The following SNX25 variants were observed in gnomAD, a reference collection of about 807,000 sequenced individuals.
SNX25 encodes the protein sorting nexin-25.
SNX25 carries 62 observed loss-of-function variants against 113.7 expected under a neutral mutation model. That is an observed-to-expected ratio of 0.55 (90% confidence interval 0.44 to 0.67). SNX25 has a LOEUF of 0.67. Ranked by LOEUF, SNX25 falls within the 30% of genes least tolerant of loss-of-function variation. SNX25 has a pLI of 0.00. For missense variants in SNX25, 1,014 were observed against 1,161.0 expected, an observed-to-expected ratio of 0.87 and a Z score of 1.84; for synonymous variants, 421 against 436.2, an observed-to-expected ratio of 0.97 and a Z score of 0.43.
rs772535155 is a variant in SNX25 at position 185,258,959 on chromosome 4, A to G, written c.626A>G (p.Gln209Arg). 3.1e-6 allele frequency: 5 copies of G among 1,614,206 alleles called. No homozygotes were observed. In the South Asian group the frequency reaches 4.4e-5, roughly 14 times the overall value. ...LLEDFWEIAR[Q>R]LHHRLSHVDV... is the part of the protein sequence containing the mutation. The stretch of plus-strand genomic sequence containing the variant: ...GAAGACTTTTGGGAAATTGCCAGAC[A>G]GCTGCACCACAGACTGAGTCACGTG... Residue 209 changes from glutamine (Q) to arginine (R), a missense_variant, in exon 3 of 19, where the codon CAG (glutamine) becomes CGG (arginine). By Grantham distance (43) the Gln-to-Arg change is conservative. Transcript: ENST00000652585.
chr4:185,216,677 G>A (rs1738900274), intron 1 of SNX25, among the ~76,000 whole-genome samples: 2 of 151,796 alleles, frequency 1.3e-5, no homozygotes, highest in Non-Finnish European at 2.9e-5. Context: ...CCGCCACCAC[G>A]CCCGGCTACT....
chr4:185,216,667 C>A (rs1376108241), intron 1 of SNX25, among the ~76,000 whole-genome samples: 1 of 151,728 alleles, frequency 6.6e-6, no homozygotes, highest in Non-Finnish European at 1.5e-5. Context: ...TGATAGGCGC[C>A]CGCCACCACG....
downstream of SNX25, among the ~76,000 whole-genome samples, chr4:185,372,207 T>G (rs1425897812): frequency 2.0e-5 from 3 of 152,186 alleles, no homozygotes; most frequent in African/African-American, 7.2e-5. Flanking sequence ...ATGTGTGACA[T>G]GCCAAGCTGT....
chr4:185,339,540 A>G lies in SNX25; in HGVS notation c.2046+30A>G, dbSNP rs753222160. Reference sequence around the variant, plus strand: ...TTTTGACTGCTTTTCCTCTTAATTTATTTTAAAAGTTTGACTTTATTAAAA... The same window carrying G: ...TTTTGACTGCTTTTCCTCTTAATTTGTTTTAAAAGTTTGACTTTATTAAAA... On this transcript the variant is annotated intron_variant, in intron 11 of 18. Transcript: ENST00000652585. 2.5e-6 allele frequency: 4 copies of G among 1,587,890 alleles called. No individual in the cohort carries two copies. In the South Asian group the frequency reaches 4.6e-5, roughly 18 times the overall value.
At chr4:185,231,343 C>T (rs1235168429) in intron 1 of SNX25, among the ~76,000 whole-genome samples, 4 of 151,898 alleles carry the variant, frequency 2.6e-5, no homozygotes, top group Admixed American at 2.6e-4. Flanking sequence ...TCGTGATCCA[C>T]CCGCCTCGGC....
At chr4:185,205,564 T>G (rs971029955), upstream of SNX25, among the ~76,000 whole-genome samples, 1 of 152,130 alleles carries the variant, frequency 6.6e-6, no homozygotes, top group Non-Finnish European at 1.5e-5. Context: ...GCGCGGTGGC[T>G]CACGTTTGTA....
At position 185,342,116 on chromosome 4, in the gene SNX25, G is replaced by A. The variant is rs541143078; in HGVS notation, c.2187G>A (p.Glu729=). ...EFQNLHRKLS[E]CVPSLKKVQL... ...AGAATTTACACCGGAAACTCAGTGA[G>A]GTATGAATACTCATGAACGCAGTAT... Residue 729 remains glutamate, a splice_region_variant and synonymous_variant, in exon 12 of 19, where the codon GAG becomes GAA. Transcript: ENST00000652585. 1.3e-6 allele frequency: 2 copies of A among 1,591,886 alleles called. No individual in the cohort carries two copies. Among genetic ancestry groups the A allele is most frequent in the South Asian group, 2.3e-5 (2 of 86,440 alleles).
At chr4:185,285,773 TTTTG>T (rs1751262761) in intron 5 of SNX25, among the ~76,000 whole-genome samples, 1 of 152,106 alleles carries the variant, frequency 6.6e-6, no homozygotes, top group Non-Finnish European at 1.5e-5. Flanking sequence ...TAGCTTGTAG[TTTTG>T]TTTTTGTGTT....
chr4:185,340,300 A>G (rs1261916059), intron 11 of SNX25, among the ~76,000 whole-genome samples: 1 of 152,158 alleles, frequency 6.6e-6, no homozygotes, highest in African/African-American at 2.4e-5. Flanking sequence ...GAGAGGGTCA[A>G]AATTCACGAC....
intron 7 of SNX25, among the ~76,000 whole-genome samples, chr4:185,313,908 T>C (rs1170268818): frequency 6.6e-6 from 1 of 152,102 alleles, no homozygotes; most frequent in Non-Finnish European, 1.5e-5. Flanking sequence ...TAAAGACAAA[T>C]GAAAATGTTA....
intron 2 of SNX25, among the ~76,000 whole-genome samples, chr4:185,247,598 C>T (rs536710162): frequency 6.6e-6 from 1 of 152,274 alleles, no homozygotes; most frequent in Non-Finnish European, 1.5e-5. Context: ...TCATGTGAAA[C>T]TAGCCAGCCA....
At chr4:185,267,957 G>T (rs1416010848) in intron 5 of SNX25, among the ~76,000 whole-genome samples, 1 of 152,122 alleles carries the variant, frequency 6.6e-6, no homozygotes, top group Non-Finnish European at 1.5e-5. Flanking sequence ...TCATCATAAA[G>T]GTCTTCATCC....
intron 1 of SNX25, among the ~76,000 whole-genome samples, chr4:185,238,320 C>T (rs529214991): frequency 2.0e-5 from 3 of 152,132 alleles, no homozygotes; most frequent in East Asian, 1.9e-4. Flanking sequence ...TCTCTTAACA[C>T]GGCTGCTTGG....
rs1368287116 is a variant in SNX25, at chr4:185,232,168, A to C, written c.430-15126A>C. Among the ~76,000 whole-genome samples, 1 of 152,156 alleles carries C rather than the reference A, an allele frequency of 6.6e-6. No individual in the cohort carries two copies. On this transcript the variant is annotated intron_variant, in intron 1 of 18. Transcript: ENST00000652585. This position sits in a 1 kb window ranked among gnomAD's most constrained non-coding sequence, Gnocchi z 4.4. ...AGACATGAAGAACAGCAGAAGAGAG[A>C]CTTTTAATGGTGGTCTTGCAAGATG...
intron 5 of SNX25, among the ~76,000 whole-genome samples, chr4:185,283,978 T>G (rs1269292272): frequency 6.6e-6 from 1 of 152,204 alleles, no homozygotes; most frequent in Non-Finnish European, 1.5e-5. Flanking sequence ...ACAAAGAATA[T>G]CAAAAGAATA....
intron 6 of SNX25, among the ~76,000 whole-genome samples, chr4:185,301,866 C>A (rs751310564): frequency 1.4e-5 from 2 of 145,296 alleles, no homozygotes; most frequent in Non-Finnish European, 3.0e-5. Flanking sequence ...GGATTACAGG[C>A]GTGACCCACC....
At chr4:185,237,570 T>G (rs2126437058) in intron 1 of SNX25, among the ~76,000 whole-genome samples, 1 of 152,260 alleles carries the variant, frequency 6.6e-6, no homozygotes, top group South Asian at 2.1e-4. Context: ...CATTTTGAGT[T>G]GTATTTGTGA....
At chr4:185,370,943 T>C (rs907911954), downstream of SNX25, 4 of 1,022,706 alleles carry the variant, frequency 3.9e-6, no homozygotes, top group Admixed American at 6.5e-5. Flanking sequence ...CTAAGTTGTT[T>C]GCTGTGTGGG....
intron 5 of SNX25, among the ~76,000 whole-genome samples, chr4:185,286,767 A>G (rs1751407604): frequency 1.3e-5 from 2 of 152,244 alleles, no homozygotes; most frequent in African/African-American, 4.8e-5. Flanking sequence ...CTGGCATGCC[A>G]ACACTGCTCC....
Sources: gnomAD v4.1 joint callset for allele counts (sites outside exome capture counted in the v4.1 genomes callset) on GRCh38, gnomAD v4.1.1 for gene constraint, Gnocchi (gnomAD v3.1) non-coding constraint, MANE v1.5 for transcripts, NCBI Gene and HGNC (gene_info 2026-07-23, HGNC 2026-07-21) for gene names.